Variants in CA8 observed in about 807,000 individuals in gnomAD.
CA8 encodes carbonic anhydrase 8 (inactive), also known as carbonic anhydrase-related protein.
CA8 carries 22 observed loss-of-function variants against 41.4 expected under a neutral mutation model. That is an observed-to-expected ratio of 0.53 (90% CI 0.38 to 0.76). CA8 has a LOEUF of 0.76. CA8 is among the 30% of genes least tolerant of loss of function. The pLI is 0.00. For synonymous variants in CA8, 121 were observed against 130.6 expected, an observed-to-expected ratio of 0.93 and a Z score of 0.50; for missense variants, 270 against 352.8, an observed-to-expected ratio of 0.77 and a Z score of 1.88.
intron 2 of CA8, among the ~76,000 whole-genome samples, chr8:60,268,098 C>T: frequency 6.6e-6 from 1 of 152,170 alleles, no homozygotes; most frequent in East Asian, 1.9e-4. Context: ...TTGCCACCCC[C>T]AGCAACAGTG....
chr8:60,234,737 C>A (rs1484386759), intron 3 of CA8, among the ~76,000 whole-genome samples: 14 of 152,164 alleles, frequency 9.2e-5, no homozygotes, highest in Admixed American at 9.2e-4. Context: ...TCTTCAATAA[C>A]CACCTGAGTC....
At chr8:60,236,679 T>G (rs1807840980) in intron 3 of CA8, among the ~76,000 whole-genome samples, 1 of 152,236 alleles carries the variant, frequency 6.6e-6, no homozygotes, top group South Asian at 2.1e-4. Flanking sequence ...AAATAACACA[T>G]TAAAACTTCT....
intron 3 of CA8, among the ~76,000 whole-genome samples, chr8:60,241,508 T>C (rs1168354859): frequency 6.6e-6 from 1 of 152,228 alleles, no homozygotes; most frequent in African/African-American, 2.4e-5. Flanking sequence ...TGCTGACTGA[T>C]TTCCTGCCTT....
intron 4 of CA8, among the ~76,000 whole-genome samples, chr8:60,229,960 A>C (rs1384078299): frequency 6.6e-6 from 1 of 152,202 alleles, no homozygotes; most frequent in Non-Finnish European, 1.5e-5. Context: ...ACAACCCACC[A>C]TACCCTGTCC....
At chr8:60,245,975 G>A (rs1808220318) in intron 3 of CA8, among the ~76,000 whole-genome samples, 2 of 152,138 alleles carry the variant, frequency 1.3e-5, no homozygotes, top group Admixed American at 1.3e-4. Flanking sequence ...AATCATCAAT[G>A]GCCAAAGTGC....
intron 3 of CA8, among the ~76,000 whole-genome samples, chr8:60,263,523 C>G (rs1482137447): frequency 2.0e-5 from 3 of 151,688 alleles, no homozygotes; most frequent in Non-Finnish European, 4.4e-5. Context: ...GGAACATGAC[C>G]TCAAAAAAAA....
chr8:60,221,892 T>C lies in CA8; in HGVS notation c.738+757A>G, dbSNP rs147587640. Among the ~76,000 whole-genome samples the C allele has an allele frequency of 3.0e-3, 454 of 152,290 alleles. 3 individuals are homozygous for C. The highest frequency in any genetic ancestry group is 0.01 in the African/African-American group (432 of 41,564). ...ATTAAAGGCAAATATTTAAAAGCTA[T>C]CAAAGAAAACTGGTTTGCTGAGAGT... On this transcript the variant is annotated intron_variant, in intron 7 of 8. Coordinates refer to ENST00000317995, the MANE Select transcript of CA8 (RefSeq NM_004056.6).
At chr8:60,277,334 C>A (rs1345442281) in intron 2 of CA8, among the ~76,000 whole-genome samples, 1 of 151,898 alleles carries the variant, frequency 6.6e-6, no homozygotes, top group African/African-American at 2.4e-5. Context: ...CAGAAAGAAC[C>A]ACAGGCAGAA....
intron 6 of CA8, among the ~76,000 whole-genome samples, chr8:60,223,901 T>A (rs1807334897): frequency 6.6e-6 from 1 of 152,176 alleles, no homozygotes; most frequent in South Asian, 2.1e-4. Context: ...AACCTTTAAA[T>A]CATATTCTGA....
chr8:60,223,961 C>CATA (rs1388831139), intron 6 of CA8, among the ~76,000 whole-genome samples: 1 of 152,166 alleles, frequency 6.6e-6, no homozygotes, highest in Non-Finnish European at 1.5e-5. Context: ...TGGAATAATA[C>CATA]ATAATAATAG....
At chr8:60,267,083 C>G (rs1803926059) in intron 2 of CA8, among the ~76,000 whole-genome samples, 1 of 152,190 alleles carries the variant, frequency 6.6e-6, no homozygotes, top group African/African-American at 2.4e-5. Flanking sequence ...TTCATCCTTA[C>G]CCAAAAACTC....
intron 7 of CA8, among the ~76,000 whole-genome samples, chr8:60,214,130 A>G (rs1806934761): frequency 6.6e-6 from 1 of 152,186 alleles, no homozygotes; most frequent in South Asian, 2.1e-4. Flanking sequence ...GTTATAACAG[A>G]ATACCTGAGA....
At chr8:60,205,359 G>T in intron 8 of CA8, among the ~76,000 whole-genome samples, 1 of 152,106 alleles carries the variant, frequency 6.6e-6, no homozygotes, top group South Asian at 2.1e-4. Context: ...TTTTAAAAAT[G>T]GGCTAACACT....
At chr8:60,276,059 T>TC (rs753937132) in intron 2 of CA8, among the ~76,000 whole-genome samples, 1 of 152,204 alleles carries the variant, frequency 6.6e-6, no homozygotes, top group Non-Finnish European at 1.5e-5. Context: ...CATGTAGCCC[T>TC]CACTTGCCCC....
chr8:60,279,795 G>A lies in CA8; in HGVS notation c.186C>T (p.Asp62=). The A allele has an allele frequency of 6.2e-7, 1 of 1,614,110 alleles. No homozygotes were observed. Among genetic ancestry groups the A allele is most frequent in the Non-Finnish European group, 8.5e-7 (1 of 1,179,990 alleles). The change falls in exon 2 of 9, where the codon GAC becomes GAT. Residue 62 remains aspartate, a synonymous_variant. Transcript: ENST00000317995. The part of the protein sequence containing the change: ...INLNSREARY[D]PSLLDVRLSP... ...AGAGGCGGACATCCAACAGCGAGGGGTCATACCTAGCCTCTCTTGAGTTTA... is the reference window on the plus strand; with the variant it reads ...AGAGGCGGACATCCAACAGCGAGGGATCATACCTAGCCTCTCTTGAGTTTA...
rs577619242 is a variant in CA8 at position 60,252,796 on chromosome 8, A to G, written c.417+13129T>C. ...CAGATTTTCACATTTGGGATGCTGA[A>G]CTAGTGAATATATGAATATATTACA... On this transcript the variant is annotated intron_variant, in intron 3 of 8. Coordinates refer to ENST00000317995, the MANE Select transcript of CA8 (RefSeq NM_004056.6). 7.2e-5 allele frequency among the ~76,000 whole-genome samples: 11 copies of G among 152,138 alleles called. No individual in the cohort carries two copies. In the South Asian group the frequency reaches 2.3e-3, roughly 32 times the overall value.
chr8:60,226,328 C>A (rs1448652119), intron 5 of CA8, among the ~76,000 whole-genome samples: 3 of 152,138 alleles, frequency 2.0e-5, no homozygotes, highest in African/African-American at 2.4e-5. Context: ...TGTGTGCCTG[C>A]AGCCTTGGGC....
chr8:60,256,189 C>G (rs1162710962), intron 3 of CA8, among the ~76,000 whole-genome samples: 2 of 152,198 alleles, frequency 1.3e-5, no homozygotes, highest in Non-Finnish European at 2.9e-5. Flanking sequence ...GGATTACAGG[C>G]ATGAGCCGCC....
intron 7 of CA8, among the ~76,000 whole-genome samples, chr8:60,222,199 A>G (rs538911181): frequency 2.2e-4 from 33 of 152,162 alleles, no homozygotes; most frequent in Admixed American, 3.9e-4. Context: ...GAGCTAGAAA[A>G]CAATCCAGAA....
Sources: gnomAD v4.1 joint callset for allele counts (sites outside exome capture counted in the v4.1 genomes callset) on GRCh38, gnomAD v4.1.1 for gene constraint, MANE v1.5 for transcripts, NCBI Gene and HGNC (gene_info 2026-07-23, HGNC 2026-07-21) for gene names.